Variants in PCDH15 observed in about 807,000 individuals in gnomAD.
The protein encoded by PCDH15 is protocadherin-15.
A neutral mutation model predicts 178.5 loss-of-function variants in PCDH15; 129 were observed. That is an observed-to-expected ratio of 0.72 (90% confidence interval 0.63 to 0.84). The LOEUF (loss-of-function observed/expected upper bound fraction) is 0.84. Ranked by LOEUF, PCDH15 falls within the 40% of genes least tolerant of loss-of-function variation. The pLI, the probability that PCDH15 is intolerant of heterozygous loss-of-function variation, is 0.00. For synonymous variants in PCDH15, 800 were observed against 732.0 expected (o/e 1.09, Z -1.50); for missense variants, 2,230 against 2,099.9 (o/e 1.06, Z -1.21).
In PCDH15 at chr10:55,153,114, A is replaced by C. The variant is rs571087285; in HGVS notation, c.-80+13462T>G. Among the ~76,000 whole-genome samples the C allele has an allele frequency of 5.9e-5, 9 of 152,320 alleles. No individual in the cohort carries two copies. In the East Asian group the frequency reaches 9.7e-4, roughly 16 times the overall value. On this transcript the variant is annotated intron_variant, in intron 2 of 5. Transcript: ENST00000458638. ...ACTTTGAAAGGTGTCATTATTTTCAAGACGTATCATTTAACTGATCTACTT... is the reference window on the plus strand; with the variant it reads ...ACTTTGAAAGGTGTCATTATTTTCACGACGTATCATTTAACTGATCTACTT...
At chr10:55,607,805 A>C (rs1339405378) in intron 2 of PCDH15, among the ~76,000 whole-genome samples, 1 of 148,242 alleles carries the variant, frequency 6.7e-6, no homozygotes, top group African/African-American at 2.5e-5. Flanking sequence ...GCTAGATGAC[A>C]AGTTAGTGGG....
intron 1 of PCDH15, among the ~76,000 whole-genome samples, chr10:55,247,034 CAT>C (rs1841694726): frequency 6.6e-6 from 1 of 152,076 alleles, no homozygotes; most frequent in Admixed American, 6.6e-5. Context: ...AATATGCAAA[CAT>C]AGATTCATAC....
chr10:54,903,483 A>G (rs1954671533), intron 2 of PCDH15, among the ~76,000 whole-genome samples: 1 of 152,150 alleles, frequency 6.6e-6, no homozygotes, highest in Admixed American at 6.6e-5. Context: ...TCCCCTGTAT[A>G]GGTCACATAT....
At chr10:55,071,410 A>G (rs1841743011) in intron 2 of PCDH15, among the ~76,000 whole-genome samples, 1 of 152,156 alleles carries the variant, frequency 6.6e-6, no homozygotes, top group South Asian at 2.1e-4. Context: ...AGATCTACCA[A>G]GCAAATGGAA....
chr10:54,237,109 A>G (rs946345330), intron 8 of PCDH15, among the ~76,000 whole-genome samples, 178 bp from the exon 9 acceptor site: 2 of 152,182 alleles, frequency 1.3e-5, no homozygotes, highest in African/African-American at 2.4e-5. Context: ...GGAGCAAAGT[A>G]TTCTCAAAGT....
intron 3 of PCDH15, among the ~76,000 whole-genome samples, chr10:54,514,841 G>A (rs756323695): frequency 2.6e-5 from 4 of 152,124 alleles, no homozygotes; most frequent in Non-Finnish European, 5.9e-5. Flanking sequence ...TCTAATAGAG[G>A]TATCAATGGT....
chr10:55,356,400 G>A (rs1387579095), intron 2 of PCDH15, among the ~76,000 whole-genome samples: 2 of 151,850 alleles, frequency 1.3e-5, no homozygotes, highest in African/African-American at 4.8e-5. Flanking sequence ...GCCTCAAACA[G>A]TGGTTATGAC....
intron 2 of PCDH15, chr10:55,506,207 G>C (rs984500555): frequency 6.6e-6 from 1 of 151,430 alleles, no homozygotes; most frequent in Non-Finnish European, 1.5e-5. Context: ...TCTTGGCCTA[G>C]ATAACTAAGT....
At chr10:55,610,306 C>T (rs184113040) in intron 2 of PCDH15, among the ~76,000 whole-genome samples, 4 of 152,156 alleles carry the variant, frequency 2.6e-5, no homozygotes, top group East Asian at 3.9e-4. Flanking sequence ...AAGGAAACTT[C>T]TTAATTGGAA....
chr10:55,367,543 T>A (rs1845397341), intron 2 of PCDH15, among the ~76,000 whole-genome samples: 1 of 152,024 alleles, frequency 6.6e-6, no homozygotes. Flanking sequence ...ATCATGCCAC[T>A]GTACCTCAGC....
At chr10:54,884,782 T>A (rs958827786) in intron 3 of PCDH15, among the ~76,000 whole-genome samples, 1 of 152,044 alleles carries the variant, frequency 6.6e-6, no homozygotes, top group African/African-American at 2.4e-5. Flanking sequence ...ATAAATATGA[T>A]TCTATGTGCT....
intron 2 of PCDH15, among the ~76,000 whole-genome samples, chr10:55,088,017 A>C (rs1041072867): frequency 5.3e-5 from 8 of 152,110 alleles, no homozygotes; most frequent in East Asian, 1.9e-4. Flanking sequence ...AAAAACTGGA[A>C]CTAATAACAC....
chr10:54,170,334 C>A (rs940021023), intron 13 of PCDH15, among the ~76,000 whole-genome samples: 1 of 152,046 alleles, frequency 6.6e-6, no homozygotes, highest in Non-Finnish European at 1.5e-5. Flanking sequence ...GAGCCAGGAC[C>A]ACACCCTGTA....
At chr10:54,938,477 T>TA (rs1837964026) in intron 2 of PCDH15, among the ~76,000 whole-genome samples, 1 of 152,282 alleles carries the variant, frequency 6.6e-6, no homozygotes, top group Admixed American at 6.5e-5. Flanking sequence ...ATTCTATTTT[T>TA]AAAAAATTGT....
At chr10:54,670,868 T>C (rs2094652343) in intron 1 of PCDH15, among the ~76,000 whole-genome samples, 3 of 152,154 alleles carry the variant, frequency 2.0e-5, no homozygotes, top group African/African-American at 7.2e-5. Flanking sequence ...ATGCACTACA[T>C]TTCATATTTT....
chr10:55,337,084 A>G (rs1844416699), intron 2 of PCDH15, among the ~76,000 whole-genome samples: 1 of 152,178 alleles, frequency 6.6e-6, no homozygotes, highest in African/African-American at 2.4e-5. Context: ...TGAGGATCTC[A>G]GAAAGTATAA....
At chr10:55,037,851 T>A (rs7087015) in intron 2 of PCDH15, among the ~76,000 whole-genome samples, 3 of 151,926 alleles carry the variant, frequency 2.0e-5, no homozygotes, top group African/African-American at 7.3e-5. Flanking sequence ...TTTATTCTTA[T>A]CATAGTGTTA....
At chr10:54,328,488 T>C (rs948300563) in intron 7 of PCDH15, among the ~76,000 whole-genome samples, 6 of 151,978 alleles carry the variant, frequency 3.9e-5, no homozygotes, top group Non-Finnish European at 8.8e-5. Context: ...GAACTATACA[T>C]AGTATAATTC....
chr10:53,986,123 T>A (rs1244839725), intron 21 of PCDH15, among the ~76,000 whole-genome samples: 2 of 151,464 alleles, frequency 1.3e-5, no homozygotes, highest in Non-Finnish European at 2.9e-5. Flanking sequence ...AAACAACAAA[T>A]AACTCAATTA....
Sources: allele counts gnomAD v4.1 joint callset (sites outside exome capture counted in the v4.1 genomes callset), GRCh38; gene constraint gnomAD v4.1.1; transcripts MANE v1.5; gene names NCBI Gene and HGNC (gene_info 2026-07-23, HGNC 2026-07-21).